EYS: variants seen among roughly 807,000 people sequenced by gnomAD.
The protein encoded by EYS is EGF-like photoreceptor maintenance factor.
Under a neutral mutation model 282.1 loss-of-function variants are expected in EYS, and 250 were observed. The ratio of observed to expected loss-of-function variants is 0.89; its 90% CI spans 0.80 to 0.98. The LOEUF (loss-of-function observed/expected upper bound fraction) is 0.98. Among genes scored for constraint, EYS ranks in the 50% least tolerant of loss-of-function variants. The pLI is 0.00. For synonymous variants in EYS, 1,355 were observed against 1,282.9 expected, an observed-to-expected ratio of 1.06 and a Z score of -1.20; for missense variants, 4,016 against 3,709.0, an observed-to-expected ratio of 1.08 and a Z score of -2.15.
Position 65,004,142 on chromosome 6 carries a change from C to T in EYS, c.2138-6439G>A, listed in dbSNP as rs979365439. Among the ~76,000 whole-genome samples, 7 of 147,334 alleles carry T rather than the reference C, an allele frequency of 4.8e-5. 2 individuals carry two copies. The East Asian group carries it at 8.5e-4, about 18-fold the overall frequency. ...GTTATTTTGAATACTGTAAACAATG[C>T]TTTCTCATGCCTAAGGGTGAATATT... On this transcript the variant is annotated intron_variant, in intron 13 of 42. Transcript: ENST00000503581.
At chr6:65,593,181 T>G (rs1230616537) in intron 2 of EYS, among the ~76,000 whole-genome samples, 1 of 152,052 alleles carries the variant, frequency 6.6e-6, no homozygotes, top group Non-Finnish European at 1.5e-5. Context: ...TTTCTAGACA[T>G]AAATGTCATC....
intron 22 of EYS, among the ~76,000 whole-genome samples, chr6:64,791,485 A>G (rs992301527): frequency 2.0e-5 from 3 of 151,918 alleles, no homozygotes; most frequent in Non-Finnish European, 2.9e-5. Context: ...CAACTTTATG[A>G]CAGAATAGAA....
At chr6:65,178,372 T>C (rs1196320453) in intron 12 of EYS, among the ~76,000 whole-genome samples, 1 of 151,944 alleles carries the variant, frequency 6.6e-6, no homozygotes, top group Non-Finnish European at 1.5e-5. Context: ...CCTCTGACAG[T>C]TGACCATGAC....
intron 36 of EYS, among the ~76,000 whole-genome samples, chr6:63,818,396 GT>G (rs901491875): frequency 4.9e-4 from 75 of 151,748 alleles, no homozygotes; most frequent in Non-Finnish European, 1.0e-3. Flanking sequence ...GAAAGATGTA[GT>G]TTTTTTTTCC....
chr6:64,795,093 G>A (rs1774314066), intron 22 of EYS, among the ~76,000 whole-genome samples: 1 of 151,992 alleles, frequency 6.6e-6, no homozygotes, highest in Admixed American at 6.6e-5. Context: ...AAATTAGCTG[G>A]GCATGGTGGC....
intron 30 of EYS, among the ~76,000 whole-genome samples, chr6:64,277,874 G>A (rs1394408187): frequency 6.6e-6 from 1 of 152,060 alleles, no homozygotes; most frequent in East Asian, 1.9e-4. Flanking sequence ...ATTTGAAAAA[G>A]TTTGGTTCTG....
At chr6:63,928,028 T>C (rs1007903837) in intron 35 of EYS, among the ~76,000 whole-genome samples, 2 of 152,216 alleles carry the variant, frequency 1.3e-5, no homozygotes, top group Non-Finnish European at 2.9e-5. Flanking sequence ...AAAGCATTGG[T>C]TTCCGATGAG....
chr6:65,527,733 A>G (rs1767621954), intron 2 of EYS, among the ~76,000 whole-genome samples: 1 of 152,208 alleles, frequency 6.6e-6, no homozygotes, highest in Non-Finnish European at 1.5e-5. Flanking sequence ...TATTACAATC[A>G]AATGCATTGA....
chr6:64,955,213 T>A (rs1042238081), intron 14 of EYS, among the ~76,000 whole-genome samples: 3 of 150,346 alleles, frequency 2.0e-5, no homozygotes, highest in African/African-American at 7.3e-5. Flanking sequence ...AAAAAAAAAA[T>A]CTTAATTCCA....
At chr6:64,388,415 T>C (rs1282396475) in intron 29 of EYS, among the ~76,000 whole-genome samples, 1 of 152,154 alleles carries the variant, frequency 6.6e-6, no homozygotes, top group Non-Finnish European at 1.5e-5. Context: ...CTAAATAGTA[T>C]TGAGAAATGT....
chr6:65,382,733 C>G (rs9445537), intron 8 of EYS, among the ~76,000 whole-genome samples: 73,338 of 151,598 alleles, frequency 0.48, 18,038 homozygotes, highest in South Asian at 0.54. Flanking sequence ...CAGCACAGAA[C>G]AAAGATGTAG....
intron 31 of EYS, among the ~76,000 whole-genome samples, chr6:64,140,193 T>A (rs532699316): frequency 1.3e-5 from 2 of 152,174 alleles, no homozygotes; most frequent in Non-Finnish European, 2.9e-5. Flanking sequence ...TAACCCCCCA[T>A]CTATTTTGTC....
At chr6:64,747,670 G>T (rs1379351771) in intron 22 of EYS, among the ~76,000 whole-genome samples, 1 of 152,166 alleles carries the variant, frequency 6.6e-6, no homozygotes, top group Admixed American at 6.5e-5. Context: ...GAGCCACCAT[G>T]CCCAGCCCTA....
intron 22 of EYS, among the ~76,000 whole-genome samples, chr6:64,753,426 T>C (rs985427787): frequency 1.5e-4 from 22 of 150,884 alleles, no homozygotes; most frequent in African/African-American, 5.4e-4. Flanking sequence ...TGGAAAAAGA[T>C]ATGCCAATGG....
intron 31 of EYS, among the ~76,000 whole-genome samples, chr6:64,125,098 G>C (rs1340035294): frequency 1.3e-5 from 2 of 151,662 alleles, no homozygotes; most frequent in Non-Finnish European, 2.9e-5. Flanking sequence ...AAGCAGGATA[G>C]ATCCTGACTC....
intron 26 of EYS, among the ~76,000 whole-genome samples, chr6:64,458,652 T>A (rs540668768): frequency 6.6e-6 from 1 of 151,886 alleles, no homozygotes; most frequent in African/African-American, 2.4e-5. Context: ...TATCTTTCAA[T>A]AGTCTTATTT....
chr6:65,296,324 A>G (rs1013556005), intron 11 of EYS, among the ~76,000 whole-genome samples: 1 of 152,024 alleles, frequency 6.6e-6, no homozygotes, highest in Non-Finnish European at 1.5e-5. Context: ...GAGTGAAAAT[A>G]ACTTTGGTGC....
Position 64,439,255 on chromosome 6 carries a change from G to T in EYS, c.5742C>A (p.Phe1914Leu). The stretch of plus-strand genomic sequence containing the variant: ...CATACAGCAGAAGTCCATAGGAGCT[G>T]AAGGTCTGAAATTCTAGGGAGATGT... ...QNNISLEFQT[F>L]SSYGLLLYVK... The change falls in exon 27 of 43, where the codon TTC becomes TTA. Residue 1914 changes from phenylalanine to leucine, a missense_variant. Coordinates refer to ENST00000503581, the MANE Select transcript of EYS (RefSeq NM_001142800.2). The T allele has an allele frequency of 6.6e-7, 1 of 1,514,948 alleles. No individual in the cohort carries two copies. Among genetic ancestry groups the T allele is most frequent in the South Asian group, 1.3e-5 (1 of 76,438 alleles). The allele number at this position is 1,514,948 out of a possible 1,614,324, so 93.8% of individuals were successfully genotyped here.
intron 1 of EYS, among the ~76,000 whole-genome samples, chr6:65,651,939 A>C (rs1266517991): frequency 6.6e-6 from 1 of 152,188 alleles, no homozygotes; most frequent in Non-Finnish European, 1.5e-5. Context: ...AACTCCTGGA[A>C]AGAGAGAAAA....
Sources: allele counts gnomAD v4.1 joint callset (sites outside exome capture counted in the v4.1 genomes callset), GRCh38; gene constraint gnomAD v4.1.1; transcripts MANE v1.5; gene names NCBI Gene and HGNC (gene_info 2026-07-23, HGNC 2026-07-21).